Variants in BRD8 observed in about 807,000 individuals in gnomAD.
The protein encoded by BRD8 is bromodomain-containing protein 8.
Under a neutral mutation model 143.1 loss-of-function variants are expected in BRD8, and 67 were observed. The ratio of observed to expected loss-of-function variants is 0.47; its 90% CI spans 0.38 to 0.57. The LOEUF is 0.57. Ranked by LOEUF, BRD8 falls within the 20% of genes least tolerant of loss-of-function variation. The probability of loss-of-function intolerance (pLI) is 0.00; values close to 1 mark genes in which losing one functional copy is unlikely to be tolerated. For missense variants in BRD8, 1,103 were observed against 1,503.0 expected (o/e 0.73, Z 4.40); for synonymous variants, 505 against 517.1 (o/e 0.98, Z 0.32).
intron 16 of BRD8, 73 bp from the exon 17 acceptor site, chr5:138,161,937 T>A: frequency 6.3e-7 from 1 of 1,576,702 alleles, no homozygotes; most frequent in Non-Finnish European, 8.7e-7. Context: ...TCTAAGTAAC[T>A]AAAGGTAGTA....
intron 14 of BRD8, 67 bp downstream of exon 14, chr5:138,164,020 A>G: frequency 6.5e-7 from 1 of 1,531,424 alleles, no homozygotes; most frequent in Non-Finnish European, 9.0e-7. Flanking sequence ...ACTGAAATTC[A>G]TTAAAAAGTA....
intron 20 of BRD8, chr5:138,157,064 T>G (rs967153920): frequency 6.6e-7 from 1 of 1,525,136 alleles, no homozygotes; most frequent in African/African-American, 1.4e-5. Flanking sequence ...TCCAACTCTC[T>G]AAGAGAGATT....
At chr5:138,145,051 A>C in intron 25 of BRD8, 126 bp downstream of exon 25, 1 of 978,780 alleles carries the variant, frequency 1.0e-6, no homozygotes, top group Non-Finnish European at 1.6e-6. Context: ...TAACTTTATA[A>C]ACTTGTTTGG....
chr5:138,140,976 A>C, intron 25 of BRD8, 94 bp from the exon 26 acceptor site: 3 of 1,295,656 alleles, frequency 2.3e-6, no homozygotes, highest in Non-Finnish European at 3.2e-6. Context: ...ACCAGTTCTT[A>C]ATGAAAACAG....
intron 26 of BRD8, 100 bp from the exon 27 acceptor site, chr5:138,140,266 C>G: frequency 1.2e-6 from 1 of 856,582 alleles, no homozygotes. Context: ...ATACTTTTTT[C>G]TTTAAAGTAT....
chr5:138,140,188 A>C, intron 26 of BRD8, 22 bp from the exon 27 acceptor site: 1 of 1,545,846 alleles, frequency 6.5e-7, no homozygotes, highest in Non-Finnish European at 8.9e-7. Flanking sequence ...AGGAACACAT[A>C]GCAAGCTATT....
At chr5:138,177,938 G>T (rs1754496353) in intron 1 of BRD8, among the ~76,000 whole-genome samples, 1 of 152,128 alleles carries the variant, frequency 6.6e-6, no homozygotes, top group African/African-American at 2.4e-5. Flanking sequence ...AAGAAACAGG[G>T]AATGTCAGAT....
At chr5:138,159,014 C>T (rs1752804334) in intron 20 of BRD8, among the ~76,000 whole-genome samples, 1 of 151,974 alleles carries the variant, frequency 6.6e-6, no homozygotes, top group Admixed American at 6.6e-5. Context: ...TGGTCTCAAA[C>T]TCCTGGGCTC....
rs760570312 is a variant in BRD8 at position 138,164,878 on chromosome 5, C to T, written c.1567G>A (p.Glu523Lys). Residue 523 changes from glutamate to lysine, a missense_variant, in exon 12 of 27, where the codon GAA (glutamate) becomes AAA (lysine). Physicochemically the swap from Glu to Lys is moderately conservative, Grantham distance 56. Transcript: ENST00000254900. ...AEPEPVISGA[E>K]IVAGVVPATS... ...GCTGGAACAACTCCAGCTACTATTT[C>T]GGCTCCTGAAATGACTGGCTCTGGT... The T allele has an allele frequency of 1.4e-5, 22 of 1,614,172 alleles. No homozygotes were observed. Among genetic ancestry groups the T allele is most frequent in the Middle Eastern group, 1.6e-4 (1 of 6,062 alleles).
intron 7 of BRD8, among the ~76,000 whole-genome samples, chr5:138,170,135 G>A (rs146959099): frequency 6.6e-6 from 1 of 152,338 alleles, no homozygotes; most frequent in East Asian, 1.9e-4. Context: ...TTTGTGTCCT[G>A]AAGTTAATTT....
chr5:138,160,745 T>A (rs1356262784), intron 18 of BRD8, 146 bp downstream of exon 18: 2 of 676,956 alleles, frequency 3.0e-6, no homozygotes, highest in Non-Finnish European at 4.6e-6. Flanking sequence ...AAAATAAAAG[T>A]AAGAACAAAA....
At chr5:138,165,712 C>G in intron 11 of BRD8, 116 bp downstream of exon 11, 1 of 1,129,870 alleles carries the variant, frequency 8.9e-7, no homozygotes. Flanking sequence ...GATGAAAGAG[C>G]AAGACTCTGT....
At chr5:138,159,956 TATATCATTGGAATCTAG>T (rs1459825569) in intron 19 of BRD8, 96 bp downstream of exon 19, 1 of 753,286 alleles carries the variant, frequency 1.3e-6, no homozygotes, top group African/African-American at 1.7e-5. Flanking sequence ...TATGTGTCTG[TATATCATTGGAATCTAG>T]AAGCCCAATA....
intron 10 of BRD8, chr5:138,166,313 C>T (rs149265233): frequency 1.6e-6 from 1 of 615,348 alleles, no homozygotes; most frequent in East Asian, 2.7e-5. Flanking sequence ...TATCTGTATA[C>T]TTAGCCTCTT....
In BRD8 at chr5:138,171,161, C is replaced by A; in HGVS notation, c.237-1G>T. The A allele has an allele frequency of 1.9e-6, 3 of 1,604,180 alleles. No homozygotes were observed. Among genetic ancestry groups the A allele is most frequent in the Non-Finnish European group, 2.5e-6 (3 of 1,176,884 alleles). On this transcript the variant is annotated splice_acceptor_variant, in intron 4 of 26. Coordinates refer to ENST00000254900, the MANE Select transcript of BRD8 (RefSeq NM_139199.2). LOFTEE classifies it high-confidence loss of function. ...TTCTCCCTTTTCACCTCGTTTCCGT[C>A]TGTGGAAAATTGAAAAAAAAAAATT...
At chr5:138,170,741 G>C in intron 6 of BRD8, 91 bp downstream of exon 6, 1 of 1,208,414 alleles carries the variant, frequency 8.3e-7, no homozygotes, top group Non-Finnish European at 1.2e-6. Flanking sequence ...AAGTCTAAAG[G>C]GACGGCAATT....
intron 7 of BRD8, among the ~76,000 whole-genome samples, chr5:138,169,706 C>A (rs1425116982): frequency 6.6e-6 from 1 of 152,178 alleles, no homozygotes; most frequent in South Asian, 2.1e-4. Context: ...CAGTGGCTCA[C>A]GGCTGTAATC....
chr5:138,147,558 C>T (rs1752204386), intron 23 of BRD8, among the ~76,000 whole-genome samples: 2 of 152,130 alleles, frequency 1.3e-5, no homozygotes, highest in Admixed American at 1.3e-4. Context: ...CCTATAATCT[C>T]AGCACTTTGA....
At position 138,161,083 on chromosome 5, in the gene BRD8, CAG is replaced by C. The variant is rs761798946; in HGVS notation, c.2250-17_2250-16del. The C allele has an allele frequency of 3.1e-6, 5 of 1,599,950 alleles. No individual in the cohort carries two copies. Among genetic ancestry groups the C allele is most frequent in the African/African-American group, 1.3e-5 (1 of 74,272 alleles). ...AATCCATAGGCCTAAAAAAAAAGAACAGGGGTAAGTAGCAGTGGGGATGGAAA... is the reference window on the plus strand; with the variant it reads ...AATCCATAGGCCTAAAAAAAAAGAACGGGTAAGTAGCAGTGGGGATGGAAA... On this transcript the variant is annotated splice_polypyrimidine_tract_variant and intron_variant, in intron 17 of 26. Coordinates refer to ENST00000254900, the MANE Select transcript of BRD8 (RefSeq NM_139199.2).
Sources: gnomAD v4.1 joint callset for allele counts (sites outside exome capture counted in the v4.1 genomes callset) on GRCh38, gnomAD v4.1.1 for gene constraint, MANE v1.5 for transcripts, NCBI Gene and HGNC (gene_info 2026-07-23, HGNC 2026-07-21) for gene names.